Variants in TACR3 observed in about 807,000 individuals in gnomAD.
The protein encoded by TACR3 is tachykinin receptor 3, also known as neuromedin-K receptor.
TACR3 carries 34 observed loss-of-function variants against 35.0 expected under a neutral mutation model. The observed-to-expected ratio is 0.97, with a 90% CI of 0.74 to 1.30. The LOEUF (loss-of-function observed/expected upper bound fraction) is 1.30. Among genes scored for constraint, TACR3 ranks in the 50% most tolerant of loss-of-function variants. The pLI is 0.00. For synonymous variants in TACR3, 233 were observed against 221.1 expected (o/e 1.05, Z -0.48); for missense variants, 558 against 591.7 (o/e 0.94, Z 0.59).
chr4:103,682,404 A>C (rs971491835), intron 1 of TACR3, among the ~76,000 whole-genome samples: 4 of 152,178 alleles, frequency 2.6e-5, no homozygotes, highest in Non-Finnish European at 5.9e-5. Flanking sequence ...GTAGAAGAGA[A>C]GCAGGCACAT....
chr4:103,650,723 A>ATCATATAT (rs1491306943), intron 3 of TACR3, among the ~76,000 whole-genome samples: 12 of 56,242 alleles, frequency 2.1e-4, no homozygotes, highest in African/African-American at 1.9e-3. Context: ...ATATATAAAT[A>ATCATATAT]AATATATATT....
chr4:103,688,198 T>G (rs1722301772), intron 1 of TACR3, among the ~76,000 whole-genome samples: 1 of 152,140 alleles, frequency 6.6e-6, no homozygotes, highest in African/African-American at 2.4e-5. Flanking sequence ...TAGCCATATG[T>G]AGAAAGCTGA....
chr4:103,624,044 A>T (rs139597380), intron 3 of TACR3, among the ~76,000 whole-genome samples: 9 of 152,320 alleles, frequency 5.9e-5, no homozygotes, highest in African/African-American at 1.9e-4. Flanking sequence ...ACTTTATATG[A>T]AGAGAATTAT....
intron 1 of TACR3, among the ~76,000 whole-genome samples, chr4:103,714,235 T>G (rs1723035964): frequency 6.6e-6 from 1 of 152,150 alleles, no homozygotes; most frequent in Non-Finnish European, 1.5e-5. Flanking sequence ...ACATACACTT[T>G]TCTGTTGTGG....
chr4:103,676,205 G>A (rs1452795089), intron 1 of TACR3, among the ~76,000 whole-genome samples: 1 of 152,050 alleles, frequency 6.6e-6, no homozygotes, highest in Non-Finnish European at 1.5e-5. Flanking sequence ...TTGTTAAGCA[G>A]TGAATGCAAA....
chr4:103,600,005 G>C (rs2110289531), intron 3 of TACR3, among the ~76,000 whole-genome samples: 1 of 152,176 alleles, frequency 6.6e-6, no homozygotes, highest in East Asian at 1.9e-4. Context: ...TTTTTCTATT[G>C]ATTGGAATAG....
chr4:103,599,870 A>C (rs1303958193), intron 3 of TACR3, among the ~76,000 whole-genome samples: 1 of 152,174 alleles, frequency 6.6e-6, no homozygotes, highest in Non-Finnish European at 1.5e-5. Context: ...TATTTTATTG[A>C]GGATTTTTGC....
chr4:103,591,397 G>T, intron 4 of TACR3, 90 bp downstream of exon 4: 1 of 1,512,324 alleles, frequency 6.6e-7, no homozygotes, highest in Non-Finnish European at 9.2e-7. Context: ...TCTGCATTTT[G>T]AATTTGAACC....
At chr4:103,611,959 T>C (rs1443251584) in intron 3 of TACR3, among the ~76,000 whole-genome samples, 1 of 152,200 alleles carries the variant, frequency 6.6e-6, no homozygotes, top group Admixed American at 6.5e-5. Context: ...CTATAACCTC[T>C]GAGAAAGCAT....
chr4:103,628,922 A>T (rs1305419404), intron 3 of TACR3, among the ~76,000 whole-genome samples: 2 of 152,214 alleles, frequency 1.3e-5, no homozygotes, highest in Non-Finnish European at 2.9e-5. Flanking sequence ...CCAGCAGCAC[A>T]TCAAAAAGCT....
intron 1 of TACR3, among the ~76,000 whole-genome samples, chr4:103,715,289 C>T (rs1257399563): frequency 6.6e-6 from 1 of 152,082 alleles, no homozygotes; most frequent in East Asian, 1.9e-4. Flanking sequence ...GGTGAAGCAC[C>T]ATGCTCTTGG....
intron 3 of TACR3, among the ~76,000 whole-genome samples, chr4:103,616,380 T>C (rs1724662371): frequency 6.6e-6 from 1 of 152,020 alleles, no homozygotes; most frequent in African/African-American, 2.4e-5. Flanking sequence ...ATAGTATATA[T>C]AGTATTGTAC....
In TACR3 at chr4:103,613,480, C is replaced by T. The variant is rs575894441; in HGVS notation, c.889-21797G>A. On this transcript the variant is annotated intron_variant, in intron 3 of 4. Transcript: ENST00000304883. Reference sequence around the variant, plus strand: ...GATTACAGGTGTGCGCTACCACGCCCGGCTAATTTTTTTTTTTTTTGTACT... The same window carrying T: ...GATTACAGGTGTGCGCTACCACGCCTGGCTAATTTTTTTTTTTTTTGTACT... Among the ~76,000 whole-genome samples the T allele has an allele frequency of 1.2e-4, 18 of 150,658 alleles. No homozygotes were observed. The South Asian group carries it at 2.5e-3, about 21-fold the overall frequency.
At chr4:103,604,843 AT>A (rs1297966372) in intron 3 of TACR3, among the ~76,000 whole-genome samples, 1 of 147,656 alleles carries the variant, frequency 6.8e-6, no homozygotes, top group East Asian at 1.9e-4. Context: ...TCTTTTTATT[AT>A]TATACTTTAA....
intron 3 of TACR3, among the ~76,000 whole-genome samples, chr4:103,639,600 A>G (rs1427398237): frequency 1.3e-5 from 2 of 152,080 alleles, no homozygotes; most frequent in East Asian, 1.9e-4. Flanking sequence ...ATAATAAAAT[A>G]AAATGAAAAA....
chr4:103,701,923 GT>G, intron 1 of TACR3, among the ~76,000 whole-genome samples: 1 of 152,254 alleles, frequency 6.6e-6, no homozygotes, highest in Admixed American at 6.5e-5. Context: ...AGACTTAAAT[GT>G]TAGACCTAAA....
At chr4:103,646,644 T>C (rs1197285487) in intron 3 of TACR3, among the ~76,000 whole-genome samples, 1 of 151,948 alleles carries the variant, frequency 6.6e-6, no homozygotes, top group Non-Finnish European at 1.5e-5. Context: ...GCATATATTT[T>C]GGGATGTATT....
At chr4:103,653,254 G>T (rs1380746950) in intron 3 of TACR3, among the ~76,000 whole-genome samples, 12 of 151,826 alleles carry the variant, frequency 7.9e-5, no homozygotes, top group Admixed American at 7.9e-4. Context: ...AAACTGTGGA[G>T]TAATGAAATC....
At chr4:103,598,202 A>T (rs1226233219) in intron 3 of TACR3, among the ~76,000 whole-genome samples, 1 of 152,186 alleles carries the variant, frequency 6.6e-6, no homozygotes, top group Non-Finnish European at 1.5e-5. Flanking sequence ...TCTGATGGCC[A>T]GTGATGGTGA....
Sources: gnomAD v4.1 joint callset for allele counts (sites outside exome capture counted in the v4.1 genomes callset) on GRCh38, gnomAD v4.1.1 for gene constraint, MANE v1.5 for transcripts, NCBI Gene and HGNC (gene_info 2026-07-23, HGNC 2026-07-21) for gene names.